The following PCDHGA2 variants were observed in gnomAD, a reference collection of about 807,000 sequenced individuals.
The protein encoded by PCDHGA2 is protocadherin gamma-A2.
PCDHGA2 carries 40 observed loss-of-function variants against 59.2 expected under a neutral mutation model. The observed-to-expected ratio is 0.68, with a 90% confidence interval of 0.52 to 0.88. The LOEUF is 0.88. PCDHGA2 is among the 40% of genes least tolerant of loss of function. The probability of loss-of-function intolerance (pLI) is 0.00; values close to 1 mark genes in which losing one functional copy is unlikely to be tolerated. For synonymous variants in PCDHGA2, 560 were observed against 526.0 expected (o/e 1.06, Z -0.89); for missense variants, 1,226 against 1,204.0 (o/e 1.02, Z -0.27).
At chr5:141,405,104 C>A in intron 1 of PCDHGA2, 3 of 1,613,940 alleles carry the variant, frequency 1.9e-6, no homozygotes, top group Non-Finnish European at 2.5e-6. Flanking sequence ...CAGGCTGAGG[C>A]ACTGGCACTC....
chr5:141,338,983 G>T lies in PCDHGA2; in HGVS notation c.12G>T (p.Leu4=). Residue 4 remains leucine (L), a synonymous_variant, in exon 1 of 4, where the codon CTG becomes CTT. Transcript: ENST00000394576. ...GCGACAGGAGGGAAATGGCGGCTCT[G>T]CAAAAGTTGCCACACTGCAGAAAGC... MAA[L]QKLPHCRKLV... The T allele has an allele frequency of 6.5e-7, 1 of 1,538,208 alleles. No individual in the cohort carries two copies. Among genetic ancestry groups the T allele is most frequent in the Non-Finnish European group, 8.8e-7 (1 of 1,141,950 alleles).
Position 141,371,259 on chromosome 5 carries a change from A to T in PCDHGA2, c.2424+29864A>T, listed in dbSNP as rs767414793. 5 of 1,613,926 alleles carry T rather than the reference A, an allele frequency of 3.1e-6. No individual in the cohort carries two copies. In the African/African-American group the frequency reaches 6.7e-5, roughly 22 times the overall value. ...CTTCATCAATATTGGCAAGGAAGTG[A>T]GACAACTGTTCAAGCTGGACAGTAA... On this transcript the variant is annotated intron_variant, in intron 1 of 3. Transcript: ENST00000394576.
intron 1 of PCDHGA2, among the ~76,000 whole-genome samples, chr5:141,473,915 A>G (rs1366378437): frequency 3.3e-5 from 5 of 152,162 alleles, no homozygotes; most frequent in Non-Finnish European, 5.9e-5. Flanking sequence ...GTCTTAAGAA[A>G]ACTATGAGCT....
At chr5:141,372,801 T>A in intron 1 of PCDHGA2, 1 of 1,594,978 alleles carries the variant, frequency 6.3e-7, no homozygotes, top group Non-Finnish European at 8.5e-7. Context: ...TTCAGGCAAT[T>A]TGCAAAAGGT....
chr5:141,428,073 G>A (rs2097106496), intron 1 of PCDHGA2: 1 of 1,609,082 alleles, frequency 6.2e-7, no homozygotes, highest in Admixed American at 1.7e-5. Flanking sequence ...CGCAGATTCG[G>A]GACACAACGC....
At chr5:141,374,599 C>T (rs948691402) in intron 1 of PCDHGA2, 10 of 1,613,528 alleles carry the variant, frequency 6.2e-6, no homozygotes, top group African/African-American at 1.3e-5. Context: ...GATTTAAGCT[C>T]AGTGGTAATA....
intron 1 of PCDHGA2, chr5:141,345,981 G>C (rs779560808): frequency 1.2e-6 from 2 of 1,613,408 alleles, no homozygotes; most frequent in Non-Finnish European, 8.5e-7. Context: ...CCAGGACCAC[G>C]GCCAGCCCCC....
intron 1 of PCDHGA2, chr5:141,393,962 CTG>C: frequency 6.2e-7 from 1 of 1,613,894 alleles, no homozygotes; most frequent in Non-Finnish European, 8.5e-7. Context: ...GTCAAGTTGT[CTG>C]TTACACACGT....
In PCDHGA2 at chr5:141,365,685, TC is replaced by T. The variant is rs770206035; in HGVS notation, c.2424+24293del. 2.5e-6 allele frequency: 4 copies of T among 1,613,270 alleles called. No homozygotes were observed. The South Asian group carries it at 4.4e-5, about 18-fold the overall frequency. On this transcript the variant is annotated intron_variant, in intron 1 of 3. Coordinates refer to ENST00000394576, the MANE Select transcript of PCDHGA2 (RefSeq NM_018915.4). The stretch of plus-strand genomic sequence containing the variant: ...GACGTTAATGACAACCCACCCAATT[TC>T]CCTCAAGCCTCCTACTCCACCTCTG...
At chr5:141,447,976 C>T (rs774074042) in intron 1 of PCDHGA2, among the ~76,000 whole-genome samples, 18 of 151,938 alleles carry the variant, frequency 1.2e-4, no homozygotes, top group Non-Finnish European at 2.5e-4. Flanking sequence ...ATCCCAGCTA[C>T]TCGGGAGGCT....
chr5:141,373,958 C>T, intron 1 of PCDHGA2: 1 of 917,866 alleles, frequency 1.1e-6, no homozygotes, highest in Non-Finnish European at 1.5e-6. Context: ...AAATTCTGAC[C>T]TGAAACGCTT....
chr5:141,355,624 G>A, intron 1 of PCDHGA2: 3 of 1,614,002 alleles, frequency 1.9e-6, no homozygotes, highest in South Asian at 2.2e-5. Flanking sequence ...GGAAATAAAA[G>A]TTGCTGAAAA....
Position 141,388,695 on chromosome 5 carries a change from G to A in PCDHGA2, c.2424+47300G>A, listed in dbSNP as rs2091456760. On this transcript the variant is annotated intron_variant, in intron 1 of 3. Coordinates refer to ENST00000394576, the MANE Select transcript of PCDHGA2 (RefSeq NM_018915.4). ...ACAGGTGACTGCCACGGACCAGGAT[G>A]AGGGTGTCAATGCCGAGATTACTTT... The A allele has an allele frequency of 3.7e-6, 6 of 1,614,018 alleles. No homozygotes were observed. Among genetic ancestry groups the A allele is most frequent in the Middle Eastern group, 1.6e-4 (1 of 6,062 alleles).
intron 1 of PCDHGA2, chr5:141,357,262 GGCC>G: frequency 1.2e-6 from 2 of 1,613,786 alleles, no homozygotes; most frequent in East Asian, 4.5e-5. Flanking sequence ...AGACGACTCG[GGCC>G]TCACACTCTA....
intron 1 of PCDHGA2, chr5:141,362,309 A>C: frequency 1.2e-6 from 2 of 1,613,904 alleles, no homozygotes; most frequent in Non-Finnish European, 1.7e-6. Context: ...GATGCTTGGG[A>C]CTGTTTTCAG....
chr5:141,351,016 A>G (rs1460615244), intron 1 of PCDHGA2: 17 of 1,614,078 alleles, frequency 1.1e-5, no homozygotes, highest in Non-Finnish European at 1.4e-5. Flanking sequence ...AAGAAAACGT[A>G]CCGTGGGGAA....
At chr5:141,357,089 G>A (rs762398968) in intron 1 of PCDHGA2, 9 of 1,613,760 alleles carry the variant, frequency 5.6e-6, no homozygotes, top group Middle Eastern at 1.6e-4. Context: ...CGCACCGCAC[G>A]GGCCCTGCTG....
chr5:141,344,436 A>G (rs898974652), intron 1 of PCDHGA2: 4 of 1,613,462 alleles, frequency 2.5e-6, no homozygotes, highest in African/African-American at 2.7e-5. Flanking sequence ...TAATTTCCCA[A>G]CAGAGGAATT....
In PCDHGA2 at chr5:141,491,848, C is replaced by A; in HGVS notation, c.2425-2959C>A. 1 of 1,461,478 alleles carries A rather than the reference C, an allele frequency of 6.8e-7. No homozygotes were observed. Among genetic ancestry groups the A allele is most frequent in the Non-Finnish European group, 9.1e-7 (1 of 1,104,578 alleles). The allele number at this position is 1,461,478 out of a possible 1,614,324, so 90.5% of individuals were successfully genotyped here. A position where few individuals can be genotyped will look rare whatever the true frequency, so the allele number is the denominator to read the frequency against. On this transcript the variant is annotated intron_variant, in intron 1 of 3. Transcript: ENST00000394576. This position sits in a 1 kb window ranked among gnomAD's most constrained non-coding sequence, Gnocchi z 6.9. ...CACCCGATTCTCGGGATCATTGGAC[C>A]GTTTGCGCGAAACCAGAGTGGCCGA...
Sources: gnomAD v4.1 joint callset for allele counts (sites outside exome capture counted in the v4.1 genomes callset) on GRCh38, gnomAD v4.1.1 for gene constraint, Gnocchi (gnomAD v3.1) non-coding constraint, MANE v1.5 for transcripts, NCBI Gene and HGNC (gene_info 2026-07-23, HGNC 2026-07-21) for gene names.